The following GPC5 variants were observed in gnomAD, a reference collection of about 807,000 sequenced individuals.
The protein encoded by GPC5 is glypican-5.
In GPC5, 47 loss-of-function variants were observed where a neutral mutation model predicts 53.9. That is an observed-to-expected ratio of 0.87 (90% CI 0.69 to 1.11). The LOEUF is 1.11. Ranked by LOEUF, GPC5 falls within the 50% of genes most tolerant of loss-of-function variation. The probability of loss-of-function intolerance (pLI) is 0.00; values close to 1 mark genes in which losing one functional copy is unlikely to be tolerated. For missense variants in GPC5, 748 were observed against 713.1 expected (o/e 1.05, Z -0.56); for synonymous variants, 286 against 263.3 (o/e 1.09, Z -0.84).
chr13:92,008,760 T>G (rs1042825129), intron 6 of GPC5, among the ~76,000 whole-genome samples: 8 of 152,318 alleles, frequency 5.3e-5, no homozygotes, highest in South Asian at 4.1e-4. Flanking sequence ...CTTGAAATTT[T>G]TTTCTGCTCC....
At chr13:91,415,295 A>G (rs950566343) in intron 1 of GPC5, among the ~76,000 whole-genome samples, 1 of 152,128 alleles carries the variant, frequency 6.6e-6, no homozygotes, top group African/African-American at 2.4e-5. Flanking sequence ...TTCCCCTGTA[A>G]CACAATCCCC....
At chr13:92,670,497 A>G (rs1248646653) in intron 7 of GPC5, among the ~76,000 whole-genome samples, 20 of 152,214 alleles carry the variant, frequency 1.3e-4, no homozygotes, top group Admixed American at 2.0e-4. Flanking sequence ...CCAGAACTAT[A>G]TATCAGCCAT....
intron 6 of GPC5, among the ~76,000 whole-genome samples, chr13:92,095,293 T>C (rs2041413362): frequency 6.6e-6 from 1 of 152,186 alleles, no homozygotes; most frequent in Non-Finnish European, 1.5e-5. Flanking sequence ...CAGTCCATAA[T>C]AGAGTTCTCA....
At chr13:92,046,189 CCTAT>C (rs1245419420) in intron 6 of GPC5, among the ~76,000 whole-genome samples, 1 of 151,986 alleles carries the variant, frequency 6.6e-6, no homozygotes, top group Non-Finnish European at 1.5e-5. Context: ...ATCACAATTA[CCTAT>C]CTATGAGTAT....
At chr13:91,469,948 G>A (rs909455260) in intron 2 of GPC5, among the ~76,000 whole-genome samples, 4 of 152,132 alleles carry the variant, frequency 2.6e-5, no homozygotes, top group East Asian at 1.9e-4. Flanking sequence ...GCTGAGGCAC[G>A]AGAATCACTT....
chr13:91,772,213 A>G (rs2037637164), intron 5 of GPC5, among the ~76,000 whole-genome samples: 1 of 152,338 alleles, frequency 6.6e-6, no homozygotes, highest in South Asian at 2.1e-4. Flanking sequence ...ATCAGAACAC[A>G]GAAGTTTATC....
chr13:92,178,993 TAAAC>T (rs138406677), intron 7 of GPC5, among the ~76,000 whole-genome samples: 2,186 of 152,160 alleles, frequency 0.014, 44 homozygotes, highest in African/African-American at 0.049. Flanking sequence ...AATAAATAAA[TAAAC>T]TAGTTTATTG....
At chr13:91,943,736 A>G (rs527539935) in intron 6 of GPC5, among the ~76,000 whole-genome samples, 10 of 152,268 alleles carry the variant, frequency 6.6e-5, no homozygotes, top group Non-Finnish European at 1.0e-4. Flanking sequence ...TAAGTTCTTA[A>G]TGTTAGCTTT....
chr13:92,198,251 G>C (rs1219404843), intron 7 of GPC5, among the ~76,000 whole-genome samples: 1 of 152,102 alleles, frequency 6.6e-6, no homozygotes. Context: ...ACACTAAAAT[G>C]CTACCTTCAT....
chr13:91,865,384 A>G (rs2039072919), intron 5 of GPC5, among the ~76,000 whole-genome samples: 1 of 152,088 alleles, frequency 6.6e-6, no homozygotes, highest in East Asian at 1.9e-4. Flanking sequence ...AAATAATAAT[A>G]ATAAATTATG....
chr13:92,510,112 A>T (rs1043858794), intron 7 of GPC5: 1 of 152,180 alleles, frequency 6.6e-6, no homozygotes, highest in Non-Finnish European at 1.5e-5. Context: ...TATTAATGAC[A>T]TTGTCTTCTG....
rs55867004 is a variant in GPC5, at chr13:92,161,956, CATATATATATATATATATATAT to C, written c.1561+16986_1561+17007del. ...ATTTGCCTATTAAGTAATATATAGCCATATATATATATATATATATATATATATATATATATATATGAAACTA... is the reference window on the plus strand; with the variant it reads ...ATTTGCCTATTAAGTAATATATAGCCATATATATATATATATATGAAACTA... On this transcript the variant is annotated intron_variant, in intron 7 of 7. Transcript: ENST00000377067. Among the ~76,000 whole-genome samples, 217 of 96,026 alleles carry C rather than the reference CATATATATATATATATATATAT, an allele frequency of 2.3e-3. 1 individual carries two copies. The highest frequency in any genetic ancestry group is 3.5e-3 in the African/African-American group (89 of 25,412). 63.0% of individuals were successfully genotyped at this position (96,026 alleles called of 152,430 possible).
chr13:91,965,587 G>T (rs183719107), intron 6 of GPC5, among the ~76,000 whole-genome samples: 1 of 152,104 alleles, frequency 6.6e-6, no homozygotes, highest in African/African-American at 2.4e-5. Context: ...GAGTGTAAGG[G>T]ATTTTAGCCA....
At position 92,717,164 on chromosome 13, in the gene GPC5, T is replaced by C. The variant is rs74107091; in HGVS notation, c.1562-149118T>C. 3.6e-3 allele frequency among the ~76,000 whole-genome samples: 555 copies of C among 152,208 alleles called. 4 individuals carry two copies. The highest frequency in any genetic ancestry group is 0.012 in the African/African-American group (518 of 41,548). ...AATATTATTACATTCATTGTTTCTATTGTTCAAACTCTGCAAATACACATT... is the reference window on the plus strand; with the variant it reads ...AATATTATTACATTCATTGTTTCTACTGTTCAAACTCTGCAAATACACATT... On this transcript the variant is annotated intron_variant, in intron 7 of 7. Transcript: ENST00000377067.
At chr13:92,856,602 G>C (rs1157734121) in intron 7 of GPC5, among the ~76,000 whole-genome samples, 1 of 151,928 alleles carries the variant, frequency 6.6e-6, no homozygotes. Context: ...AATGCCAAAA[G>C]TCTCCTAAAC....
At chr13:92,525,638 C>T (rs891144642) in intron 7 of GPC5, among the ~76,000 whole-genome samples, 4 of 152,100 alleles carry the variant, frequency 2.6e-5, no homozygotes, top group East Asian at 3.9e-4. Flanking sequence ...TGAATTATAT[C>T]TCTAAGGGAC....
At chr13:91,790,078 C>A (rs1050176306) in intron 5 of GPC5, among the ~76,000 whole-genome samples, 2 of 152,204 alleles carry the variant, frequency 1.3e-5, no homozygotes, top group African/African-American at 4.8e-5. Flanking sequence ...AACATTGCCA[C>A]GTTGAGGGCC....
chr13:91,983,059 C>T (rs1374392961), intron 6 of GPC5, among the ~76,000 whole-genome samples: 1 of 152,004 alleles, frequency 6.6e-6, no homozygotes, highest in East Asian at 1.9e-4. Flanking sequence ...AAAAAGGACC[C>T]AAGGTGCCGG....
At chr13:91,960,752 A>G (rs775286540) in intron 6 of GPC5, among the ~76,000 whole-genome samples, 24 of 152,004 alleles carry the variant, frequency 1.6e-4, no homozygotes, top group Non-Finnish European at 2.1e-4. Context: ...AAATCTACAT[A>G]TGTACAGCTA....
Sources: gnomAD v4.1 joint callset for allele counts (sites outside exome capture counted in the v4.1 genomes callset) on GRCh38, gnomAD v4.1.1 for gene constraint, MANE v1.5 for transcripts, NCBI Gene and HGNC (gene_info 2026-07-23, HGNC 2026-07-21) for gene names.